Variants in HACD1 observed in about 807,000 individuals in gnomAD.
HACD1 encodes the protein 3-hydroxyacyl-CoA dehydratase 1.
HACD1 carries 41 observed loss-of-function variants against 32.0 expected under a neutral mutation model. That is an observed-to-expected ratio of 1.28 (90% confidence interval 1.00 to 1.66). The LOEUF (loss-of-function observed/expected upper bound fraction) is 1.66. Among genes scored for constraint, HACD1 ranks in the 40% most tolerant of loss-of-function variants. The pLI is 0.00. For missense variants in HACD1, 396 were observed against 380.1 expected (o/e 1.04, Z -0.35); for synonymous variants, 142 against 139.0 (o/e 1.02, Z -0.15).
chr10:17,617,047 C>T, intron 1 of HACD1, 36 bp downstream of exon 1: 7 of 1,390,096 alleles, frequency 5.0e-6, no homozygotes, highest in Non-Finnish European at 6.5e-6. Context: ...GACCGCGGCG[C>T]GGGGAGGGCC....
chr10:17,590,514 T>A, intron 6 of HACD1, 68 bp from the exon 7 acceptor site: 1 of 1,181,254 alleles, frequency 8.5e-7, no homozygotes, highest in Non-Finnish European at 1.2e-6. Flanking sequence ...TGAAACCTGT[T>A]AAATGTGGCA....
At chr10:17,592,204 A>G (rs1024330744) in intron 6 of HACD1, among the ~76,000 whole-genome samples, 1 of 150,412 alleles carries the variant, frequency 6.6e-6, no homozygotes, top group Admixed American at 6.6e-5. Flanking sequence ...CTGGTCTTGA[A>G]CTCCTGACCT....
chr10:17,616,644 TAA>T (rs11343373), intron 1 of HACD1, among the ~76,000 whole-genome samples: 135 of 125,198 alleles, frequency 1.1e-3, no homozygotes, highest in Non-Finnish European at 1.1e-3. Context: ...TGCTGTGCTT[TAA>T]AAAAAAAAAA....
At chr10:17,600,620 C>T (rs1834056967) in intron 4 of HACD1, among the ~76,000 whole-genome samples, 3 of 152,074 alleles carry the variant, frequency 2.0e-5, no homozygotes, top group African/African-American at 7.2e-5. Context: ...GCCACCATGC[C>T]CAGCCCAGCA....
chr10:17,606,902 G>A (rs746554820), intron 1 of HACD1, among the ~76,000 whole-genome samples: 5 of 152,056 alleles, frequency 3.3e-5, no homozygotes, highest in East Asian at 1.9e-4. Context: ...CCTATGAGGC[G>A]AGGGTCTTCT....
chr10:17,606,814 T>A lies in HACD1; in HGVS notation c.258-2767A>T, dbSNP rs1396756035. ...TGATAATAACAATGACAATAATAAG[T>A]GTATTGTCAGAGTGCTTTCTATGTC... is the stretch of plus-strand genomic sequence containing the variant. On this transcript the variant is annotated intron_variant, in intron 1 of 6. Transcript: ENST00000361271. 2.6e-5 allele frequency among the ~76,000 whole-genome samples: 4 copies of A among 152,164 alleles called. No individual in the cohort carries two copies. The East Asian group carries it at 7.7e-4, about 29-fold the overall frequency.
chr10:17,591,902 T>C (rs1282750072), intron 6 of HACD1, among the ~76,000 whole-genome samples: 4 of 151,432 alleles, frequency 2.6e-5, no homozygotes, highest in African/African-American at 9.7e-5. Flanking sequence ...TGTAAATACT[T>C]CCATAAAATT....
chr10:17,609,587 T>A (rs1834201196), intron 1 of HACD1, among the ~76,000 whole-genome samples: 1 of 152,176 alleles, frequency 6.6e-6, no homozygotes, highest in Non-Finnish European at 1.5e-5. Context: ...CAGAATGTAC[T>A]TCTCGGAATG....
intron 4 of HACD1, among the ~76,000 whole-genome samples, chr10:17,602,047 AG>A (rs1834077304): frequency 6.6e-6 from 1 of 151,474 alleles, no homozygotes; most frequent in South Asian, 2.1e-4. Flanking sequence ...GGGTTGACAT[AG>A]GAAATGTTCC....
At chr10:17,607,713 A>T (rs1554817168) in intron 1 of HACD1, among the ~76,000 whole-genome samples, 1 of 152,208 alleles carries the variant, frequency 6.6e-6, no homozygotes, top group African/African-American at 2.4e-5. Context: ...CACCTAGCAT[A>T]GTATCATGAT....
chr10:17,598,993 C>A, intron 5 of HACD1: 1 of 273,648 alleles, frequency 3.7e-6, no homozygotes, highest in South Asian at 1.0e-4. Context: ...AAGCTAATTC[C>A]AAAAATGTAT....
In HACD1 at chr10:17,594,397, A is replaced by T; in HGVS notation, c.606-14T>A. On this transcript the variant is annotated splice_polypyrimidine_tract_variant and intron_variant, in intron 5 of 6. Transcript: ENST00000361271. The stretch of plus-strand genomic sequence containing the variant: ...AAAAAATTATATCTGGAGAAAGAAA[A>T]ACCTCAGAGAATTATTTTTCTACAA... 1 of 1,443,148 alleles carries T rather than the reference A, an allele frequency of 6.9e-7. No homozygotes were observed. The highest frequency in any genetic ancestry group is 1.4e-5 in the African/African-American group (1 of 70,416). The allele number at this position is 1,443,148 out of a possible 1,614,324, so 89.4% of individuals were successfully genotyped here. A position where few individuals can be genotyped will look rare whatever the true frequency, so the allele number is the denominator to read the frequency against.
At chr10:17,607,813 G>A (rs1456940612) in intron 1 of HACD1, among the ~76,000 whole-genome samples, 2 of 152,104 alleles carry the variant, frequency 1.3e-5, no homozygotes, top group Admixed American at 6.5e-5. Context: ...CTAACCTCTT[G>A]TCTGTTTTTC....
At chr10:17,598,214 C>G (rs557325992) in intron 5 of HACD1, among the ~76,000 whole-genome samples, 3 of 137,720 alleles carry the variant, frequency 2.2e-5, no homozygotes, top group African/African-American at 8.3e-5. Context: ...GAGCCGAGAT[C>G]GTGCCACTAT....
At chr10:17,597,564 T>C (rs556347364) in intron 5 of HACD1, among the ~76,000 whole-genome samples, 1 of 152,344 alleles carries the variant, frequency 6.6e-6, no homozygotes, top group South Asian at 2.1e-4. Context: ...TCAAGTCTAA[T>C]GTGCCAACCT....
intron 4 of HACD1, among the ~76,000 whole-genome samples, chr10:17,600,235 A>C (rs782139372): frequency 2.0e-5 from 3 of 152,196 alleles, no homozygotes; most frequent in Non-Finnish European, 2.9e-5. Flanking sequence ...CCTATCTTTC[A>C]AGATTCAGCT....
At chr10:17,605,861 G>A (rs1188976604) in intron 1 of HACD1, among the ~76,000 whole-genome samples, 1 of 152,134 alleles carries the variant, frequency 6.6e-6, no homozygotes, top group Non-Finnish European at 1.5e-5. Context: ...GGCTGAGGCA[G>A]GAGAATTGTT....
chr10:17,604,001 CT>C lies in HACD1; in HGVS notation c.303del (p.Gly102GlufsTer25). The C allele has an allele frequency of 3.1e-6, 5 of 1,604,422 alleles. No individual in the cohort carries two copies. Among genetic ancestry groups the C allele is most frequent in the Admixed American group, 1.7e-5 (1 of 57,418 alleles). ...CTTTTATATAAACCTCTGTGTGTTC[CT>C]TTTTCCATATAAAAACGTACCATGG... ...AIAMVRFYME[K>X]GTHRGLYKSI... is the part of the protein sequence containing the mutation. On this transcript the variant is annotated frameshift_variant, in exon 2 of 7. Transcript: ENST00000361271. LOFTEE classifies it high-confidence loss of function.
rs140078758 is a variant in HACD1, at chr10:17,590,371, T to C, written c.860A>G (p.Asp287Gly). The C allele has an allele frequency of 3.2e-5, 51 of 1,591,674 alleles. No homozygotes were observed. Among genetic ancestry groups the C allele is most frequent in the Non-Finnish European group, 4.1e-5 (48 of 1,164,666 alleles). The change falls in exon 7 of 7, where the codon GAT (aspartate) becomes GGT (glycine). Residue 287 changes from aspartate (D) to glycine (G), a missense_variant. Asp to Gly is a moderately conservative substitution (Grantham distance 94). Transcript: ENST00000361271. ...CTTGTTTGCAGAGATCATTTAATCA[T>C]CCTTTTCTACAATCACCTCTCCATG... ...VLHGEVIVEKDD is the reference protein window; with the variant it reads ...VLHGEVIVEKGD
Sources: gnomAD v4.1 joint callset for allele counts (sites outside exome capture counted in the v4.1 genomes callset) on GRCh38, gnomAD v4.1.1 for gene constraint, MANE v1.5 for transcripts, NCBI Gene and HGNC (gene_info 2026-07-23, HGNC 2026-07-21) for gene names.